The following DAB1 variants were observed in gnomAD, a reference collection of about 807,000 sequenced individuals.
The protein encoded by DAB1 is DAB adaptor protein 1.
In DAB1, 15 loss-of-function variants were observed where a neutral mutation model predicts 64.6. The ratio of observed to expected loss-of-function variants is 0.23; its 90% CI spans 0.16 to 0.36. DAB1 has a LOEUF of 0.36. DAB1 is among the 10% of genes least tolerant of loss of function. The pLI is 1.00. For missense variants in DAB1, 596 were observed against 706.7 expected, an observed-to-expected ratio of 0.84 and a Z score of 1.78; for synonymous variants, 235 against 251.9, an observed-to-expected ratio of 0.93 and a Z score of 0.64.
intron 4 of DAB1, among the ~76,000 whole-genome samples, chr1:58,212,873 GACAA>G (rs1347435793): frequency 6.6e-6 from 1 of 152,118 alleles, no homozygotes; most frequent in African/African-American, 2.4e-5. Context: ...AGTTAAATAA[GACAA>G]ACAGAGCTGG....
intron 6 of DAB1, among the ~76,000 whole-genome samples, chr1:57,732,985 T>A (rs933366261): frequency 6.6e-6 from 1 of 152,230 alleles, no homozygotes; most frequent in African/African-American, 2.4e-5. Context: ...CTGCAAATTA[T>A]GTAGACAGTT....
At chr1:57,579,573 A>T (rs557316242) in intron 7 of DAB1, among the ~76,000 whole-genome samples, 6 of 152,134 alleles carry the variant, frequency 3.9e-5, no homozygotes, top group African/African-American at 1.2e-4. Context: ...ACAATTACAG[A>T]CTCGTGGGTT....
At chr1:58,396,079 T>C (rs571473382) in intron 3 of DAB1, among the ~76,000 whole-genome samples, 1 of 150,736 alleles carries the variant, frequency 6.6e-6, no homozygotes, top group East Asian at 2.0e-4. Context: ...TGTCTCTTTC[T>C]ATTCATGATA....
chr1:57,368,309 C>T (rs1434715312), intron 1 of DAB1, among the ~76,000 whole-genome samples: 3 of 152,210 alleles, frequency 2.0e-5, no homozygotes, highest in Non-Finnish European at 4.4e-5. Flanking sequence ...CAAAAGGGGG[C>T]AGGTCCCTGG....
At chr1:58,478,959 G>A (rs1182774058) in intron 3 of DAB1, among the ~76,000 whole-genome samples, 1 of 152,060 alleles carries the variant, frequency 6.6e-6, no homozygotes, top group Non-Finnish European at 1.5e-5. Context: ...TATTTCAACT[G>A]CTATTTAATT....
rs945802809 is a variant in DAB1, at chr1:57,809,794, A to G, written n.551+74205T>C. On this transcript the variant is annotated intron_variant and non_coding_transcript_variant, in intron 6 of 20. Coordinates refer to the DAB1 transcript ENST00000485760. ...TTTATTCTAGGTGGAAGGAAGGAGA[A>G]AGAGAAAATTAACCTGACCTCTTAC... Among the ~76,000 whole-genome samples, 3 of 152,190 alleles carry G rather than the reference A, an allele frequency of 2.0e-5. No individual in the cohort carries two copies. In the East Asian group the frequency reaches 5.8e-4, roughly 29 times the overall value.
chr1:58,256,888 A>C (rs1226729200), intron 4 of DAB1, among the ~76,000 whole-genome samples: 1 of 152,218 alleles, frequency 6.6e-6, no homozygotes, highest in Non-Finnish European at 1.5e-5. Context: ...TCCTATAAAA[A>C]TTATGGTCAG....
At chr1:58,522,200 T>C (rs1646275440) in intron 2 of DAB1, among the ~76,000 whole-genome samples, 2 of 152,096 alleles carry the variant, frequency 1.3e-5, no homozygotes, top group Admixed American at 6.5e-5. Context: ...TCAGGAAGAA[T>C]AGCTAATGGA....
At chr1:58,250,237 T>C (rs1557714372) in intron 4 of DAB1, among the ~76,000 whole-genome samples, 1 of 152,100 alleles carries the variant, frequency 6.6e-6, no homozygotes, top group Non-Finnish European at 1.5e-5. Flanking sequence ...CATATTCTCC[T>C]ACCTCCAGCC....
rs1644986147 is a variant in DAB1, at chr1:58,439,682, A to C, written n.257+66378T>G. ...AGTAAGACAAATGAGGCACAGAGAGACTGAATAATTTGTCCAGGACCACAC... is the reference window on the plus strand; with the variant it reads ...AGTAAGACAAATGAGGCACAGAGAGCCTGAATAATTTGTCCAGGACCACAC... On this transcript the variant is annotated intron_variant and non_coding_transcript_variant, in intron 3 of 20. Transcript: ENST00000485760. Among the ~76,000 whole-genome samples the C allele has an allele frequency of 2.0e-5, 3 of 152,202 alleles. No individual in the cohort carries two copies. The South Asian group carries it at 6.2e-4, about 32-fold the overall frequency.
intron 6 of DAB1, among the ~76,000 whole-genome samples, chr1:57,737,360 A>G (rs774614416): frequency 2.0e-5 from 3 of 152,204 alleles, no homozygotes; most frequent in Non-Finnish European, 4.4e-5. Context: ...ACAGTTTACA[A>G]CATGAGTTCT....
chr1:58,497,098 T>G (rs75329925), intron 3 of DAB1, among the ~76,000 whole-genome samples: 1 of 152,182 alleles, frequency 6.6e-6, no homozygotes, highest in Non-Finnish European at 1.5e-5. Flanking sequence ...CTTCCCAAAA[T>G]TTAATCTCTA....
chr1:57,978,580 CT>C (rs1305504644), intron 5 of DAB1, among the ~76,000 whole-genome samples: 13 of 152,138 alleles, frequency 8.5e-5, no homozygotes, highest in Non-Finnish European at 8.8e-5. Flanking sequence ...TCTAATTAAA[CT>C]AAACGGCTTC....
intron 4 of DAB1, among the ~76,000 whole-genome samples, chr1:58,328,081 G>A (rs926716536): frequency 3.3e-5 from 5 of 152,124 alleles, no homozygotes; most frequent in Non-Finnish European, 7.4e-5. Flanking sequence ...GCTTACTCCC[G>A]AGCACCCGCT....
At position 57,544,855 on chromosome 1, in the gene DAB1, C is replaced by G. The variant is rs12563132; in HGVS notation, n.625+104737G>C. ...GGATGTGTTTGCTTCCCTTTCCACC[C>G]GTGATTGTAAGTTCCCTGAGGCCTC... is the stretch of plus-strand genomic sequence containing the variant. On this transcript the variant is annotated intron_variant and non_coding_transcript_variant, in intron 7 of 20. Coordinates refer to the DAB1 transcript ENST00000485760. 2.6e-5 allele frequency among the ~76,000 whole-genome samples: 4 copies of G among 152,310 alleles called. No individual in the cohort carries two copies. In the South Asian group the frequency reaches 8.3e-4, roughly 32 times the overall value.
At position 57,653,623 on chromosome 1, in the gene DAB1, T is replaced by A. The variant is rs1460700823; in HGVS notation, n.552-3958A>T. ...TCTTCAGAATTATTACATTATTATT[T>A]TTTTTTTGAGATGGAGTCTCGCTCT... On this transcript the variant is annotated intron_variant and non_coding_transcript_variant, in intron 6 of 20. Coordinates refer to the DAB1 transcript ENST00000485760. Among the ~76,000 whole-genome samples the A allele has an allele frequency of 5.3e-5, 8 of 152,134 alleles. No homozygotes were observed. In the East Asian group the frequency reaches 7.7e-4, roughly 15 times the overall value.
intron 2 of DAB1, among the ~76,000 whole-genome samples, chr1:57,163,104 C>T (rs772122618): frequency 7.2e-5 from 11 of 152,194 alleles, no homozygotes; most frequent in Non-Finnish European, 1.5e-4. Context: ...TGGCCCAAGT[C>T]CCAGGGCACA....
chr1:57,485,498 T>C (rs1248390641), intron 7 of DAB1, among the ~76,000 whole-genome samples: 3 of 152,202 alleles, frequency 2.0e-5, no homozygotes, highest in Non-Finnish European at 4.4e-5. Flanking sequence ...AAATGATTCA[T>C]ATTTGTGCTG....
chr1:57,162,975 G>T (rs1487969050), intron 2 of DAB1, among the ~76,000 whole-genome samples: 2 of 152,318 alleles, frequency 1.3e-5, no homozygotes, highest in East Asian at 3.9e-4. Flanking sequence ...CCCGACAGTT[G>T]TTCCTAATGA....
Sources: allele counts gnomAD v4.1 joint callset (sites outside exome capture counted in the v4.1 genomes callset), GRCh38; gene constraint gnomAD v4.1.1; transcripts MANE v1.5; gene names NCBI Gene and HGNC (gene_info 2026-07-23, HGNC 2026-07-21).